Variants in PLXND1 observed in about 807,000 individuals in gnomAD.
PLXND1 encodes the protein plexin-D1.
A neutral mutation model predicts 197.7 loss-of-function variants in PLXND1; 54 were observed. The ratio of observed to expected loss-of-function variants is 0.27; its 90% CI spans 0.22 to 0.34. PLXND1 has a LOEUF of 0.34. Among genes scored for constraint, PLXND1 ranks in the 10% least tolerant of loss-of-function variants. PLXND1 has a pLI of 1.00. For synonymous variants in PLXND1, 1,180 were observed against 1,161.2 expected (o/e 1.02, Z -0.33); for missense variants, 2,127 against 2,699.2 (o/e 0.79, Z 4.70).
At chr3:129,595,416 T>G (rs2811448) in intron 1 of PLXND1, among the ~76,000 whole-genome samples, 42,938 of 151,992 alleles carry the variant, frequency 0.28, 6,918 homozygotes, top group East Asian at 0.75. Flanking sequence ...GCTGAGAAAG[T>G]AAATACCAGC....
At chr3:129,589,833 G>A (rs1170727175) in intron 1 of PLXND1, among the ~76,000 whole-genome samples, 1 of 151,954 alleles carries the variant, frequency 6.6e-6, no homozygotes, top group Admixed American at 6.5e-5. Flanking sequence ...CGGCCAGGGT[G>A]AGAGCTACAC....
At position 129,606,560 on chromosome 3, in the gene PLXND1, G is replaced by A; in HGVS notation, c.80C>T (p.Pro27Leu). ...CAACAGCAGCGGCACCGGGCACCGCGGCGGCGTCTGGAACGGCGGGGGGCT... is the reference window on the plus strand; with the variant it reads ...CAACAGCAGCGGCACCGGGCACCGCAGCGGCGTCTGGAACGGCGGGGGGCT... ...AASPPPFQTP[P>L]RCPVPLLLLL... Residue 27 changes from proline to leucine, a missense_variant, in exon 1 of 36, where the codon CCG becomes CTG. Pro to Leu is a moderately conservative substitution (Grantham distance 98, BLOSUM62 -3). Transcript: ENST00000324093. The A allele has an allele frequency of 2.4e-6, 3 of 1,254,742 alleles. No individual in the cohort carries two copies. The highest frequency in any genetic ancestry group is 8.5e-5 in the Admixed American group (2 of 23,656). 77.7% of individuals were successfully genotyped at this position (1,254,742 alleles called of 1,614,324 possible). A position where few individuals can be genotyped will look rare whatever the true frequency, so the allele number is the denominator to read the frequency against.
intron 15 of PLXND1, 142 bp from the exon 16 acceptor site, chr3:129,571,986 C>CAGTT (rs2085241104): frequency 1.4e-6 from 1 of 722,472 alleles, no homozygotes; most frequent in African/African-American, 1.8e-5. Context: ...ATCTTCTGCC[C>CAGTT]AGTTAGTGCC....
At chr3:129,584,364 C>A in intron 6 of PLXND1, 21 bp downstream of exon 6, 1 of 1,608,606 alleles carries the variant, frequency 6.2e-7, no homozygotes, top group Non-Finnish European at 8.5e-7. Flanking sequence ...TGGGGCTGTG[C>A]CAACAGCACA....
chr3:129,575,094 T>C (rs901996258), intron 11 of PLXND1, among the ~76,000 whole-genome samples: 1 of 151,546 alleles, frequency 6.6e-6, no homozygotes, highest in Non-Finnish European at 1.5e-5. Context: ...CCCTGGAGAG[T>C]GGACCCAACA....
intron 8 of PLXND1, among the ~76,000 whole-genome samples, chr3:129,580,352 G>A (rs924410920): frequency 5.9e-5 from 9 of 152,168 alleles, no homozygotes; most frequent in Non-Finnish European, 1.0e-4. Flanking sequence ...GGGCCCAGAC[G>A]GAGTCAGCGG....
intron 34 of PLXND1, 189 bp from the exon 35 acceptor site, chr3:129,556,880 T>A: frequency 1.4e-6 from 1 of 696,990 alleles, no homozygotes; most frequent in Non-Finnish European, 2.4e-6. Flanking sequence ...CTCCTCTCCA[T>A]CCAGAGGGTG....
At position 129,569,830 on chromosome 3, in the gene PLXND1, T is replaced by C. The variant is rs544039358; in HGVS notation, c.3865+13A>G. 5.4e-6 allele frequency: 8 copies of C among 1,490,806 alleles called. No homozygotes were observed. Among genetic ancestry groups the C allele is most frequent in the Non-Finnish European group, 7.5e-6 (8 of 1,068,064 alleles). The allele number at this position is 1,490,806 out of a possible 1,614,324, so 92.3% of individuals were successfully genotyped here. On this transcript the variant is annotated intron_variant, in intron 20 of 35. Coordinates refer to ENST00000324093, the MANE Select transcript of PLXND1 (RefSeq NM_015103.3). ...CCTGCCCTCCAAGGTGTCCTGAGGGTGGGGCTCCTTACCCACCACGGAGAG... is the reference window on the plus strand; with the variant it reads ...CCTGCCCTCCAAGGTGTCCTGAGGGCGGGGCTCCTTACCCACCACGGAGAG...
At chr3:129,581,387 C>T (rs777807192) in intron 8 of PLXND1, among the ~76,000 whole-genome samples, 3 of 152,170 alleles carry the variant, frequency 2.0e-5, no homozygotes, top group African/African-American at 4.8e-5. Flanking sequence ...TCTGACAGGA[C>T]GCTGCCATGG....
At chr3:129,565,580 A>C in intron 24 of PLXND1, 42 bp from the exon 25 acceptor site, 1 of 1,540,448 alleles carries the variant, frequency 6.5e-7, no homozygotes, top group Non-Finnish European at 8.9e-7. Context: ...TTGAGGCCCT[A>C]GGAGCTGTGG....
intron 1 of PLXND1, among the ~76,000 whole-genome samples, chr3:129,590,927 G>C (rs925328075): frequency 1.3e-5 from 2 of 152,156 alleles, no homozygotes; most frequent in African/African-American, 4.8e-5. Flanking sequence ...CCATCTTTAG[G>C]GCAAAGCTTT....
chr3:129,570,902 C>T lies in PLXND1; in HGVS notation c.3634G>A (p.Glu1212Lys). The T allele has an allele frequency of 1.9e-6, 3 of 1,614,206 alleles. No individual in the cohort carries two copies. The highest frequency in any genetic ancestry group is 2.5e-6 in the Non-Finnish European group (3 of 1,180,022). ...EQDSLGLQSH[E>K]YRVKIGQVSC... ...ACTTGGCCTATCTTGACCCGGTACT[C>T]GTGACTCTGGAGCCCCAGGCTGTCC... Residue 1212 changes from glutamate to lysine, a missense_variant, in exon 19 of 36, where the codon GAG becomes AAG. Around this residue, in one of 6 missense-constraint regions of PLXND1, gnomAD observed 532 missense variants for 811.0 expected, o/e 0.66. Transcript: ENST00000324093.
intron 2 of PLXND1, among the ~76,000 whole-genome samples, chr3:129,588,844 G>A (rs941898946): frequency 1.3e-5 from 2 of 152,210 alleles, no homozygotes; most frequent in African/African-American, 4.8e-5. Flanking sequence ...GCCACGGGCT[G>A]GGGTACAGTT....
Position 129,569,639 on chromosome 3 carries a change from C to A in PLXND1, c.3865+204G>T, listed in dbSNP as rs1299792555. The A allele has an allele frequency of 1.1e-5, 6 of 561,194 alleles. No homozygotes were observed. In the East Asian group the frequency reaches 1.7e-4, roughly 16 times the overall value. 34.8% of individuals were successfully genotyped at this position (561,194 alleles called of 1,614,324 possible). A position where few individuals can be genotyped will look rare whatever the true frequency, so the allele number is the denominator to read the frequency against. On this transcript the variant is annotated intron_variant, in intron 20 of 35. Transcript: ENST00000324093. ...GGCGTGGGCCTAGCATATCCCCTGG[C>A]CACCTAACATCTTCTACCCATTGGT...
intron 17 of PLXND1, 57 bp downstream of exon 17, chr3:129,571,452 G>A: frequency 1.3e-6 from 2 of 1,559,172 alleles, no homozygotes; most frequent in South Asian, 1.1e-5. Flanking sequence ...GGTCAGTTAG[G>A]GCCCTGGCTG....
chr3:129,588,074 C>T (rs900626430), intron 2 of PLXND1, among the ~76,000 whole-genome samples: 4 of 152,186 alleles, frequency 2.6e-5, no homozygotes, highest in Admixed American at 6.5e-5. Flanking sequence ...CTGGGTGTGG[C>T]GATTTAAGGC....
At chr3:129,600,464 C>T (rs2085691223) in intron 1 of PLXND1, among the ~76,000 whole-genome samples, 2 of 152,180 alleles carry the variant, frequency 1.3e-5, no homozygotes, top group African/African-American at 4.8e-5. Context: ...TTTTAATCTA[C>T]CCACATCCTA....
rs1310138997 is a variant in PLXND1 at position 129,558,258 on chromosome 3, T to A, written c.5445+170A>T. Reference sequence around the variant, plus strand: ...TGGAAGGTACTGGCTTCTAGGTGTCTCCCTGTCTGAATGAGTCACTCATCC... The same window carrying A: ...TGGAAGGTACTGGCTTCTAGGTGTCACCCTGTCTGAATGAGTCACTCATCC... On this transcript the variant is annotated intron_variant, in intron 33 of 35. Coordinates refer to ENST00000324093, the MANE Select transcript of PLXND1 (RefSeq NM_015103.3). This position sits in a 1 kb window ranked among gnomAD's most constrained non-coding sequence, Gnocchi z 4.1. Among the ~76,000 whole-genome samples, 1 of 152,212 alleles carries A rather than the reference T, an allele frequency of 6.6e-6. No individual in the cohort carries two copies. The highest frequency in any genetic ancestry group is 2.4e-5 in the African/African-American group (1 of 41,454).
At chr3:129,579,482 C>T (rs1560072553) in intron 8 of PLXND1, among the ~76,000 whole-genome samples, 2 of 152,178 alleles carry the variant, frequency 1.3e-5, no homozygotes, top group South Asian at 4.1e-4. Flanking sequence ...GCCATGTCCA[C>T]CTTAGTGATC....
Sources: allele counts gnomAD v4.1 joint callset (sites outside exome capture counted in the v4.1 genomes callset), GRCh38; gene constraint gnomAD v4.1.1; regional missense constraint gnomAD v4.1.1; non-coding constraint Gnocchi (gnomAD v3.1); transcripts MANE v1.5; gene names NCBI Gene and HGNC (gene_info 2026-07-23, HGNC 2026-07-21).